The following COL25A1 variants were observed in gnomAD, a reference collection of about 807,000 sequenced individuals.
COL25A1 encodes collagen type XXV alpha 1 chain, also known as collagen alpha-1(XXV) chain.
In COL25A1, 103 loss-of-function variants were observed where a neutral mutation model predicts 128.4. That is an observed-to-expected ratio of 0.80 (90% CI 0.68 to 0.94). COL25A1 has a LOEUF of 0.94. Among genes scored for constraint, COL25A1 ranks in the 40% least tolerant of loss-of-function variants. The probability of loss-of-function intolerance (pLI) is 0.00; values close to 1 mark genes in which losing one functional copy is unlikely to be tolerated. For missense variants in COL25A1, 745 were observed against 840.0 expected (o/e 0.89, Z 1.40); for synonymous variants, 279 against 277.2 (o/e 1.01, Z -0.06).
At chr4:109,220,885 A>G (rs17040080) in intron 3 of COL25A1, among the ~76,000 whole-genome samples, 13,137 of 152,130 alleles carry the variant, frequency 0.086, 1,180 homozygotes, top group African/African-American at 0.23. Context: ...TCTGAAAAGA[A>G]TATAAGTAGA....
chr4:109,006,824 C>A (rs980594086), intron 6 of COL25A1, among the ~76,000 whole-genome samples: 1 of 152,018 alleles, frequency 6.6e-6, no homozygotes, highest in Non-Finnish European at 1.5e-5. Flanking sequence ...AACCAAACAC[C>A]GCATGTTCTC....
chr4:109,200,470 GT>G (rs368239001), intron 3 of COL25A1, among the ~76,000 whole-genome samples: 4 of 151,604 alleles, frequency 2.6e-5, no homozygotes, highest in Admixed American at 6.6e-5. Flanking sequence ...CTTTTGTGGG[GT>G]TTTTTTGAGA....
At position 109,302,274 on chromosome 4, in the gene COL25A1, G is replaced by T. The variant is rs888537021; in HGVS notation, c.-162C>A. ...ACCCTCCGTCCGGGGACTGGGTGGC[G>T]GTGGGGTAAAAAGCAAGACGAAACC... On this transcript the variant is annotated 5_prime_UTR_variant, in exon 1 of 38. Transcript: ENST00000399132. The T allele has an allele frequency of 1.0e-5, 5 of 487,838 alleles. No individual in the cohort carries two copies. The highest frequency in any genetic ancestry group is 1.8e-5 in the Non-Finnish European group (5 of 281,000). 30.2% of individuals were successfully genotyped at this position (487,838 alleles called of 1,614,324 possible).
chr4:109,173,974 G>C (rs1020060140), intron 3 of COL25A1, among the ~76,000 whole-genome samples: 2 of 151,988 alleles, frequency 1.3e-5, no homozygotes, highest in Non-Finnish European at 2.9e-5. Context: ...TTGGATTTTA[G>C]AGCACTTCAG....
At chr4:109,157,062 A>G (rs1037221093) in intron 3 of COL25A1, among the ~76,000 whole-genome samples, 10 of 152,232 alleles carry the variant, frequency 6.6e-5, no homozygotes, top group Non-Finnish European at 1.2e-4. Context: ...TCATACACCT[A>G]CATTCAAATT....
chr4:109,230,132 C>T (rs1024321876), intron 3 of COL25A1, among the ~76,000 whole-genome samples: 6 of 152,150 alleles, frequency 3.9e-5, no homozygotes, highest in Non-Finnish European at 8.8e-5. Flanking sequence ...CACCGGGCCC[C>T]ACCTCCAGCA....
intron 5 of COL25A1, 62 bp from the exon 6 acceptor site, chr4:109,010,437 TACCAAAACTGAAAC>T: frequency 5.2e-6 from 6 of 1,159,558 alleles, no homozygotes; most frequent in South Asian, 1.5e-5. Context: ...ATATTTTCAC[TACCAAAACTGAAAC>T]TAGTTCTGGA....
intron 5 of COL25A1, chr4:109,022,100 C>T: frequency 2.2e-6 from 1 of 450,922 alleles, no homozygotes; most frequent in Non-Finnish European, 4.4e-6. Flanking sequence ...TGTTCGTACA[C>T]CCCCTCCCCT....
At chr4:108,894,370 T>TG (rs1741892440) in intron 16 of COL25A1, among the ~76,000 whole-genome samples, 1 of 152,184 alleles carries the variant, frequency 6.6e-6, no homozygotes, top group African/African-American at 2.4e-5. Context: ...TTTTTTCACT[T>TG]GAAAAAAACT....
intron 37 of COL25A1, among the ~76,000 whole-genome samples, chr4:108,815,104 A>C (rs1246085316): frequency 6.6e-6 from 1 of 152,154 alleles, no homozygotes; most frequent in Non-Finnish European, 1.5e-5. Flanking sequence ...TGTGTTGGTA[A>C]ATTTAGAAAA....
rs147011041 is a variant in COL25A1, at chr4:108,830,001, C to T, written c.1710+2379G>A. Among the ~76,000 whole-genome samples, 4 of 152,272 alleles carry T rather than the reference C, an allele frequency of 2.6e-5. No homozygotes were observed. The East Asian group carries it at 7.7e-4, about 29-fold the overall frequency. ...ATGCCAACATGTGGAAAAGGGCTCC[C>T]AAGCAAAACCTAGAGTCCTCCTTTG... On this transcript the variant is annotated intron_variant, in intron 32 of 37. Transcript: ENST00000399132.
intron 3 of COL25A1, among the ~76,000 whole-genome samples, chr4:109,257,305 T>C (rs1781145113): frequency 6.6e-6 from 1 of 152,308 alleles, no homozygotes; most frequent in African/African-American, 2.4e-5. Context: ...TATTATTACA[T>C]CTCTTTGTAG....
At chr4:109,178,979 A>C (rs538510655) in intron 3 of COL25A1, among the ~76,000 whole-genome samples, 2 of 152,238 alleles carry the variant, frequency 1.3e-5, no homozygotes, top group East Asian at 3.9e-4. Flanking sequence ...GTAGAATATT[A>C]ATCACTCAAA....
At chr4:109,191,604 T>A (rs1162903715) in intron 3 of COL25A1, among the ~76,000 whole-genome samples, 1 of 152,208 alleles carries the variant, frequency 6.6e-6, no homozygotes, top group African/African-American at 2.4e-5. Flanking sequence ...ACATTTTAGG[T>A]TAATAGACCC....
chr4:108,814,011 A>G (rs1731017629), intron 37 of COL25A1, 82 bp from the exon 38 acceptor site: 1 of 1,121,948 alleles, frequency 8.9e-7, no homozygotes, highest in Non-Finnish European at 1.3e-6. Flanking sequence ...TTATTTTCAG[A>G]AAACTGGTAG....
At chr4:109,215,828 C>T (rs1053495194) in intron 3 of COL25A1, among the ~76,000 whole-genome samples, 1 of 152,088 alleles carries the variant, frequency 6.6e-6, no homozygotes, top group East Asian at 1.9e-4. Flanking sequence ...CAGCATGAGA[C>T]CCTCCTCAAA....
chr4:109,039,680 A>G (rs1445935523), intron 5 of COL25A1, among the ~76,000 whole-genome samples: 2 of 152,200 alleles, frequency 1.3e-5, no homozygotes, highest in African/African-American at 4.8e-5. Flanking sequence ...CTTGAAGACA[A>G]AAGTCACGTC....
At chr4:109,246,897 G>C (rs991837093) in intron 3 of COL25A1, among the ~76,000 whole-genome samples, 4 of 152,124 alleles carry the variant, frequency 2.6e-5, no homozygotes, top group Non-Finnish European at 4.4e-5. Context: ...GGAATGCAAG[G>C]TAGGTTCAGA....
At chr4:109,187,200 T>TACACACAC (rs36159924) in intron 3 of COL25A1, among the ~76,000 whole-genome samples, 5 of 147,820 alleles carry the variant, frequency 3.4e-5, no homozygotes, top group African/African-American at 1.2e-4. Context: ...TCTTGCTCTC[T>TACACACAC]ACACACACAC....
Sources: gnomAD v4.1 joint callset for allele counts (sites outside exome capture counted in the v4.1 genomes callset) on GRCh38, gnomAD v4.1.1 for gene constraint, MANE v1.5 for transcripts, NCBI Gene and HGNC (gene_info 2026-07-23, HGNC 2026-07-21) for gene names.